Variants in CTNNA3 observed in about 807,000 individuals in gnomAD.
The protein encoded by CTNNA3 is catenin alpha-3.
Under a neutral mutation model 95.7 loss-of-function variants are expected in CTNNA3, and 76 were observed. The ratio of observed to expected loss-of-function variants is 0.79; its 90% confidence interval spans 0.66 to 0.96. CTNNA3 has a LOEUF of 0.96. Among genes scored for constraint, CTNNA3 ranks in the 40% least tolerant of loss-of-function variants. CTNNA3 has a pLI of 0.00. For synonymous variants in CTNNA3, 431 were observed against 374.4 expected (o/e 1.15, Z -1.74); for missense variants, 1,191 against 1,089.8 (o/e 1.09, Z -1.31).
At chr10:67,188,471 C>G (rs1862968425) in intron 6 of CTNNA3, among the ~76,000 whole-genome samples, 1 of 152,082 alleles carries the variant, frequency 6.6e-6, no homozygotes, top group Admixed American at 6.6e-5. Flanking sequence ...ATCCATAGAA[C>G]ATGGAATTGA....
intron 13 of CTNNA3, among the ~76,000 whole-genome samples, chr10:66,159,274 G>C (rs12359814): frequency 6.6e-6 from 1 of 151,938 alleles, no homozygotes; most frequent in Non-Finnish European, 1.5e-5. Flanking sequence ...TCCCCATTCA[G>C]TATAATGTTG....
At chr10:66,784,949 C>A (rs1333929335) in intron 7 of CTNNA3, among the ~76,000 whole-genome samples, 1 of 152,174 alleles carries the variant, frequency 6.6e-6, no homozygotes, top group Non-Finnish European at 1.5e-5. Context: ...AGAAATCTAA[C>A]TAGTGAAAGG....
chr10:67,742,726 A>G (rs1318515560), intron 1 of CTNNA3, among the ~76,000 whole-genome samples: 3 of 151,198 alleles, frequency 2.0e-5, no homozygotes, highest in African/African-American at 4.8e-5. Context: ...GGTTTTTTGA[A>G]AAGATCAACA....
intron 5 of CTNNA3, among the ~76,000 whole-genome samples, chr10:67,433,721 A>G (rs1287736871): frequency 6.6e-6 from 1 of 152,086 alleles, no homozygotes; most frequent in Non-Finnish European, 1.5e-5. Context: ...AATAAATAAA[A>G]TGAATGAATA....
intron 11 of CTNNA3, among the ~76,000 whole-genome samples, chr10:66,488,612 G>T (rs920269577): frequency 6.6e-6 from 1 of 152,138 alleles, no homozygotes; most frequent in African/African-American, 2.4e-5. Flanking sequence ...TCCCTACAGT[G>T]CAGCATAAAC....
chr10:66,248,064 T>G (rs946697989), intron 13 of CTNNA3, among the ~76,000 whole-genome samples: 6 of 152,064 alleles, frequency 3.9e-5, no homozygotes, highest in Non-Finnish European at 7.4e-5. Context: ...CAAGACATAG[T>G]ACAAGAATAC....
At chr10:67,508,264 A>T (rs1023349850) in intron 5 of CTNNA3, among the ~76,000 whole-genome samples, 1 of 152,040 alleles carries the variant, frequency 6.6e-6, no homozygotes, top group Admixed American at 6.6e-5. Context: ...CACCCACCTC[A>T]GCCTCCCAAA....
intron 3 of CTNNA3, among the ~76,000 whole-genome samples, chr10:67,577,370 T>C (rs1842197912): frequency 6.7e-6 from 1 of 148,576 alleles, no homozygotes; most frequent in South Asian, 2.1e-4. Context: ...CACTTTTTGA[T>C]GGGGTTGTTT....
chr10:66,200,947 C>T (rs1042970988), intron 13 of CTNNA3, among the ~76,000 whole-genome samples: 1 of 152,074 alleles, frequency 6.6e-6, no homozygotes, highest in African/African-American at 2.4e-5. Flanking sequence ...TCTTATTATC[C>T]ATTGTTACTG....
intron 10 of CTNNA3, among the ~76,000 whole-genome samples, chr10:66,617,920 GACAA>G (rs897710147): frequency 4.6e-4 from 69 of 151,478 alleles, no homozygotes; most frequent in Non-Finnish European, 8.4e-4. Flanking sequence ...ACCAATAACA[GACAA>G]ACAGAGAGCC....
At chr10:67,278,740 T>C (rs967143951) in intron 5 of CTNNA3, among the ~76,000 whole-genome samples, 26 of 152,166 alleles carry the variant, frequency 1.7e-4, no homozygotes, top group African/African-American at 6.0e-4. Flanking sequence ...GAATGTGGAT[T>C]TTTCCCACAA....
chr10:66,075,133 T>C (rs1448391719), intron 14 of CTNNA3, among the ~76,000 whole-genome samples: 4 of 151,868 alleles, frequency 2.6e-5, no homozygotes, highest in Non-Finnish European at 5.9e-5. Context: ...GCACAATTGA[T>C]CGTTTTTCAT....
intron 3 of CTNNA3, among the ~76,000 whole-genome samples, chr10:67,585,191 G>A (rs749406979): frequency 2.0e-5 from 3 of 152,154 alleles, no homozygotes; most frequent in Admixed American, 6.5e-5. Flanking sequence ...GGCCATCTTG[G>A]AACCCTTAAT....
chr10:67,175,992 A>G (rs993710434), intron 7 of CTNNA3, among the ~76,000 whole-genome samples: 2 of 152,174 alleles, frequency 1.3e-5, no homozygotes, highest in African/African-American at 4.8e-5. Context: ...ACTAGGTCTA[A>G]CCAGTCATAG....
chr10:67,121,178 T>G (rs1209756806), intron 7 of CTNNA3, among the ~76,000 whole-genome samples: 1 of 152,102 alleles, frequency 6.6e-6, no homozygotes, highest in Non-Finnish European at 1.5e-5. Flanking sequence ...GTCATAAAGC[T>G]ACATAAAAAC....
chr10:67,228,611 C>CT (rs1865042959), intron 5 of CTNNA3, among the ~76,000 whole-genome samples: 1 of 141,620 alleles, frequency 7.1e-6, no homozygotes, highest in African/African-American at 2.8e-5. Context: ...GAAACTCCAT[C>CT]TCAAAAAAAA....
At chr10:66,889,112 A>G (rs1845159086) in intron 7 of CTNNA3, among the ~76,000 whole-genome samples, 1 of 151,910 alleles carries the variant, frequency 6.6e-6, no homozygotes, top group Non-Finnish European at 1.5e-5. Context: ...GAAAGAAGGC[A>G]ACCTGAAAAG....
rs1180923419 is a variant in CTNNA3, at chr10:66,063,217, TATAGATATAGATAG to T, written c.2159+6077_2159+6090del. ...ATGTATATATATATATATATATAGA[TATAGATATAGATAG>T]ATAGATAGATAGATAGATAGATCTA... On this transcript the variant is annotated intron_variant, in intron 15 of 17. Coordinates refer to ENST00000433211, the MANE Select transcript of CTNNA3 (RefSeq NM_013266.4). Among the ~76,000 whole-genome samples, 88 of 138,470 alleles carry T rather than the reference TATAGATATAGATAG, an allele frequency of 6.4e-4. 1 individual carries two copies. The highest frequency in any genetic ancestry group is 2.1e-3 in the African/African-American group (79 of 37,190). The allele number at this position is 138,470 out of a possible 152,430, so 90.8% of individuals were successfully genotyped here.
intron 3 of CTNNA3, among the ~76,000 whole-genome samples, chr10:67,583,306 C>T (rs1418547976): frequency 1.3e-5 from 2 of 152,108 alleles, no homozygotes; most frequent in Non-Finnish European, 2.9e-5. Context: ...TTTATTTCTC[C>T]TTCACTTATG....
Sources: gnomAD v4.1 joint callset for allele counts (sites outside exome capture counted in the v4.1 genomes callset) on GRCh38, gnomAD v4.1.1 for gene constraint, MANE v1.5 for transcripts, NCBI Gene and HGNC (gene_info 2026-07-23, HGNC 2026-07-21) for gene names.